The following MSTO1 variants were observed in gnomAD, a reference collection of about 807,000 sequenced individuals.
MSTO1 encodes the protein protein misato homolog 1.
In MSTO1, 24 loss-of-function variants were observed where a neutral mutation model predicts 55.7. The ratio of observed to expected loss-of-function variants is 0.43; its 90% confidence interval spans 0.31 to 0.61. The LOEUF is 0.61. Among genes scored for constraint, MSTO1 ranks in the 20% least tolerant of loss-of-function variants. The pLI is 0.09. For synonymous variants in MSTO1, 162 were observed against 252.8 expected (o/e 0.64, Z 3.41); for missense variants, 363 against 625.7 (o/e 0.58, Z 4.48).
chr1:155,566,709 G>A, the MSTO1 span, among the ~76,000 whole-genome samples: 9 of 151,682 alleles, frequency 5.9e-5, no homozygotes, highest in Non-Finnish European at 1.2e-4. Context: ...TCCGCCTCCC[G>A]GGTTCAAGCA....
In MSTO1 at chr1:155,613,250, C is replaced by A. The variant is rs1400501582; in HGVS notation, c.1283+17C>A. The stretch of plus-strand genomic sequence containing the variant: ...CCACACAAGGTGAGAGCTGTTGGTC[C>A]TTAGGAGTCCTTGTCAGATTTTTGT... On this transcript the variant is annotated intron_variant, in intron 11 of 13. Coordinates refer to ENST00000245564, the MANE Select transcript of MSTO1 (RefSeq NM_018116.4). 1 of 1,605,184 alleles carries A rather than the reference C, an allele frequency of 6.2e-7. No individual in the cohort carries two copies. Among genetic ancestry groups the A allele is most frequent in the South Asian group, 1.1e-5 (1 of 90,332 alleles).
At chr1:155,602,121 A>G in the MSTO1 span, 1 of 711,330 alleles carries the variant, frequency 1.4e-6, no homozygotes, top group East Asian at 2.7e-5. Flanking sequence ...TCCAACTACA[A>G]CAAACAGCGC....
the MSTO1 span, among the ~76,000 whole-genome samples, chr1:155,586,362 A>T: frequency 6.6e-6 from 1 of 151,718 alleles, no homozygotes; most frequent in Non-Finnish European, 1.5e-5. Context: ...TTATTTTTGT[A>T]ATAAGGTGGC....
the MSTO1 span, chr1:155,591,397 TC>T: frequency 1.5e-6 from 1 of 687,420 alleles, no homozygotes; most frequent in Non-Finnish European, 2.4e-6. Context: ...GGATGTTCAT[TC>T]TGGAACTGTA....
upstream of MSTO1, among the ~76,000 whole-genome samples, chr1:155,605,575 G>A (rs1372989079): frequency 6.6e-6 from 1 of 152,176 alleles, no homozygotes; most frequent in Non-Finnish European, 1.5e-5. Flanking sequence ...TTCAGAGTGG[G>A]AGGATGGCTT....
the MSTO1 span, among the ~76,000 whole-genome samples, chr1:155,581,880 G>A: frequency 2.7e-5 from 4 of 148,548 alleles, no homozygotes; most frequent in African/African-American, 7.5e-5. Flanking sequence ...TACAACCTCC[G>A]CATCCCCGGT....
upstream of MSTO1, among the ~76,000 whole-genome samples, chr1:155,605,258 CACAAA>C (rs112109642): frequency 0.26 from 39,423 of 150,954 alleles, 5,698 homozygotes; most frequent in East Asian, 0.7. Context: ...AAGACTCCAT[CACAAA>C]ACAAAACAAA....
At position 155,614,498 on chromosome 1, in the gene MSTO1, C is replaced by T; in HGVS notation, c.*225C>T. On this transcript the variant is annotated 3_prime_UTR_variant, in exon 14 of 14. Coordinates refer to ENST00000245564, the MANE Select transcript of MSTO1 (RefSeq NM_018116.4). ...TGAACTCCACTCTCGATGCTACTTA[C>T]AGAGGACATCTGTAAAGTCTTCATA... 4.6e-6 allele frequency: 3 copies of T among 654,806 alleles called. No homozygotes were observed. The highest frequency in any genetic ancestry group is 2.0e-5 in the South Asian group (1 of 50,936). 40.6% of individuals were successfully genotyped at this position (654,806 alleles called of 1,614,324 possible). A position where few individuals can be genotyped will look rare whatever the true frequency, so the allele number is the denominator to read the frequency against.
chr1:155,600,952 A>T, the MSTO1 span, among the ~76,000 whole-genome samples: 4 of 146,328 alleles, frequency 2.7e-5, no homozygotes, highest in Admixed American at 2.8e-4. Flanking sequence ...CTGGGATTAC[A>T]GGTGTGAGCC....
the MSTO1 span, among the ~76,000 whole-genome samples, chr1:155,577,972 T>C: frequency 2.6e-3 from 402 of 152,176 alleles, 2 homozygotes; most frequent in African/African-American, 9.0e-3. Context: ...ATCGAACTCC[T>C]AGCTCAATTG....
the MSTO1 span, among the ~76,000 whole-genome samples, chr1:155,568,143 G>A: frequency 4.6e-5 from 7 of 150,578 alleles, no homozygotes; most frequent in African/African-American, 1.2e-4. Context: ...GCAGTGTCAC[G>A]ATCTGGGCTC....
chr1:155,599,776 A>AG, the MSTO1 span, among the ~76,000 whole-genome samples: 4 of 152,200 alleles, frequency 2.6e-5, no homozygotes, highest in African/African-American at 9.7e-5. Flanking sequence ...TAGTGGGGAG[A>AG]GGGTCAACAG....
chr1:155,608,531 G>T (rs1384586161), upstream of MSTO1, among the ~76,000 whole-genome samples: 1 of 146,766 alleles, frequency 6.8e-6, no homozygotes, highest in South Asian at 2.1e-4. Flanking sequence ...ATGGAGTCTG[G>T]CTCTGTTGCC....
At chr1:155,576,136 TGA>T in the MSTO1 span, among the ~76,000 whole-genome samples, 10 of 151,928 alleles carry the variant, frequency 6.6e-5, no homozygotes, top group African/African-American at 2.4e-4. Context: ...ATTTTTAAAT[TGA>T]GTTGCCTTTT....
the MSTO1 span, among the ~76,000 whole-genome samples, chr1:155,584,691 A>AGAAAGAAAG: frequency 1.3e-5 from 1 of 75,570 alleles, no homozygotes; most frequent in African/African-American, 4.9e-5. Flanking sequence ...AAAAAAAAAA[A>AGAAAGAAAG]AAAGAAAGAA....
At chr1:155,599,577 C>G in the MSTO1 span, among the ~76,000 whole-genome samples, 1 of 152,014 alleles carries the variant, frequency 6.6e-6, no homozygotes, top group Non-Finnish European at 1.5e-5. Context: ...GGGTGTTTCT[C>G]GTAAGGTGGA....
At chr1:155,576,567 C>T in the MSTO1 span, among the ~76,000 whole-genome samples, 3 of 151,612 alleles carry the variant, frequency 2.0e-5, no homozygotes, top group East Asian at 2.0e-4. Context: ...CCTTGTGATC[C>T]GCCCACCTCA....
At chr1:155,598,302 A>T in the MSTO1 span, among the ~76,000 whole-genome samples, 1 of 152,142 alleles carries the variant, frequency 6.6e-6, no homozygotes, top group Non-Finnish European at 1.5e-5. Flanking sequence ...TTTAGTAGAG[A>T]CAGGGTTTCT....
At chr1:155,613,389 C>T in intron 11 of MSTO1, 73 bp from the exon 12 acceptor site, 1 of 1,602,762 alleles carries the variant, frequency 6.2e-7, no homozygotes, top group Non-Finnish European at 8.5e-7. Flanking sequence ...AGCTGATGGC[C>T]TGAGAACATA....
Sources: gnomAD v4.1 joint callset for allele counts (sites outside exome capture counted in the v4.1 genomes callset) on GRCh38, gnomAD v4.1.1 for gene constraint, MANE v1.5 for transcripts, NCBI Gene and HGNC (gene_info 2026-07-23, HGNC 2026-07-21) for gene names.